The following TSHR variants were observed in gnomAD, a reference collection of about 807,000 sequenced individuals.
The protein encoded by TSHR is thyroid stimulating hormone receptor, also known as thyrotropin receptor.
In TSHR, 51 loss-of-function variants were observed where a neutral mutation model predicts 64.1. The ratio of observed to expected loss-of-function variants is 0.80; its 90% CI spans 0.64 to 1.01. The LOEUF is 1.01. Among genes scored for constraint, TSHR ranks in the 50% least tolerant of loss-of-function variants. TSHR has a pLI of 0.00. For synonymous variants in TSHR, 361 were observed against 361.9 expected (o/e 1.00, Z 0.03); for missense variants, 877 against 942.8 (o/e 0.93, Z 0.91).
intron 1 of TSHR, among the ~76,000 whole-genome samples, chr14:80,961,893 G>A (rs1477425115): frequency 6.6e-6 from 1 of 152,098 alleles, no homozygotes; most frequent in Non-Finnish European, 1.5e-5. Flanking sequence ...CAAATTTAAT[G>A]TATTTTATTT....
At chr14:81,068,645 G>T (rs1886836706) in intron 3 of TSHR, among the ~76,000 whole-genome samples, 1 of 152,146 alleles carries the variant, frequency 6.6e-6, no homozygotes, top group Admixed American at 6.5e-5. Context: ...GTAACTACTT[G>T]ATTCTATGGT....
At chr14:81,106,234 G>A (rs1889885196) in intron 7 of TSHR, among the ~76,000 whole-genome samples, 1 of 152,208 alleles carries the variant, frequency 6.6e-6, no homozygotes, top group Non-Finnish European at 1.5e-5. Context: ...CCCTTGAGGT[G>A]TTTGTAAACC....
Position 81,066,597 on chromosome 14 carries a change from A to G in TSHR, c.243-1657A>G, listed in dbSNP as rs1005617460. 2.0e-5 allele frequency among the ~76,000 whole-genome samples: 3 copies of G among 152,216 alleles called. No individual in the cohort carries two copies. In the South Asian group the frequency reaches 6.2e-4, roughly 31 times the overall value. ...AACAATCAGCACTCCTCTTGTAAACATTGCATCGATGAGGATACTTTACTG... is the reference window on the plus strand; with the variant it reads ...AACAATCAGCACTCCTCTTGTAAACGTTGCATCGATGAGGATACTTTACTG... On this transcript the variant is annotated intron_variant, in intron 2 of 9. Transcript: ENST00000298171.
intron 1 of TSHR, among the ~76,000 whole-genome samples, chr14:81,044,657 CAA>C (rs147382752): frequency 2.6e-5 from 3 of 113,546 alleles, no homozygotes; most frequent in African/African-American, 3.8e-5. Context: ...GACTCTGTCT[CAA>C]AAAAAAAAAA....
At chr14:80,989,877 A>G (rs536629243) in intron 1 of TSHR, among the ~76,000 whole-genome samples, 199 of 152,310 alleles carry the variant, frequency 1.3e-3, no homozygotes, top group African/African-American at 4.5e-3. Context: ...AAGATTAAAT[A>G]TCAGCCAGCG....
intron 1 of TSHR, among the ~76,000 whole-genome samples, chr14:80,973,899 C>T (rs1345869653): frequency 4.6e-5 from 7 of 151,912 alleles, no homozygotes; most frequent in African/African-American, 1.7e-4. Flanking sequence ...GTTATTTTTC[C>T]CCAACCTGCT....
chr14:81,064,251 T>C (rs536960699), intron 2 of TSHR, among the ~76,000 whole-genome samples: 23 of 152,132 alleles, frequency 1.5e-4, no homozygotes, highest in African/African-American at 5.5e-4. Context: ...AGGATGATCA[T>C]TGAGTGGGAA....
intron 1 of TSHR, among the ~76,000 whole-genome samples, chr14:81,031,867 A>G (rs1332134690): frequency 7.2e-5 from 11 of 152,112 alleles, no homozygotes; most frequent in South Asian, 6.2e-4. Context: ...ACTCTACCCA[A>G]CTGACTCCCT....
chr14:81,115,563 C>T (rs921044893), intron 8 of TSHR, among the ~76,000 whole-genome samples: 5 of 150,340 alleles, frequency 3.3e-5, no homozygotes, highest in Non-Finnish European at 7.4e-5. Context: ...ATTGGTGTAC[C>T]TGAAAGTGAT....
chr14:80,978,465 G>A (rs1165632376), intron 1 of TSHR, among the ~76,000 whole-genome samples: 1 of 152,218 alleles, frequency 6.6e-6, no homozygotes, highest in Non-Finnish European at 1.5e-5. Flanking sequence ...AAGATAAAGG[G>A]GGAGAGCCCC....
chr14:81,072,859 T>G (rs1887185771), intron 3 of TSHR, among the ~76,000 whole-genome samples: 1 of 138,626 alleles, frequency 7.2e-6, no homozygotes, highest in African/African-American at 3.1e-5. Context: ...TAGCCGGGCG[T>G]AGTGGCGGGC....
chr14:81,066,942 T>C (rs145652100), intron 2 of TSHR, among the ~76,000 whole-genome samples: 46 of 152,308 alleles, frequency 3.0e-4, no homozygotes, highest in African/African-American at 1.0e-3. Flanking sequence ...CATTACAAGA[T>C]GGAATTTGAG....
At chr14:81,131,891 T>A (rs1251823877) in intron 8 of TSHR, among the ~76,000 whole-genome samples, 1 of 152,198 alleles carries the variant, frequency 6.6e-6, no homozygotes, top group African/African-American at 2.4e-5. Context: ...AATGTAAGCA[T>A]GAGGAGAGCA....
At chr14:80,962,774 T>C (rs1007022510) in intron 1 of TSHR, among the ~76,000 whole-genome samples, 2 of 152,206 alleles carry the variant, frequency 1.3e-5, no homozygotes, top group Admixed American at 1.3e-4. Context: ...GGGAAGTTCA[T>C]AGAAGCTCTT....
intron 1 of TSHR, among the ~76,000 whole-genome samples, chr14:81,022,618 C>A (rs1460277217): frequency 6.6e-6 from 1 of 151,688 alleles, no homozygotes; most frequent in Non-Finnish European, 1.5e-5. Flanking sequence ...GTCAGGAGAT[C>A]GAGACCATCC....
chr14:81,032,435 G>T (rs2268469), intron 1 of TSHR: 67,123 of 284,212 alleles, frequency 0.24, 8,303 homozygotes, highest in South Asian at 0.31. Flanking sequence ...CGCCTACCTT[G>T]CAAGACACTT....
intron 1 of TSHR, among the ~76,000 whole-genome samples, chr14:81,037,518 G>C (rs1233155740): frequency 6.6e-6 from 1 of 151,444 alleles, no homozygotes; most frequent in Non-Finnish European, 1.5e-5. Context: ...GAATGTAAAT[G>C]AATTAAATTT....
At chr14:81,109,989 C>T (rs971632548) in intron 8 of TSHR, among the ~76,000 whole-genome samples, 1 of 152,040 alleles carries the variant, frequency 6.6e-6, no homozygotes, top group African/African-American at 2.4e-5. Flanking sequence ...TACTACTTCG[C>T]CAAGTAATAA....
chr14:80,978,818 C>T (rs1294654786), intron 1 of TSHR, among the ~76,000 whole-genome samples: 1 of 152,180 alleles, frequency 6.6e-6, no homozygotes, highest in Non-Finnish European at 1.5e-5. Context: ...TCTGTACCAG[C>T]TTCTCTTTCT....
Sources: gnomAD v4.1 joint callset for allele counts (sites outside exome capture counted in the v4.1 genomes callset) on GRCh38, gnomAD v4.1.1 for gene constraint, MANE v1.5 for transcripts, NCBI Gene and HGNC (gene_info 2026-07-23, HGNC 2026-07-21) for gene names.